LRRC2: variants seen among roughly 807,000 people sequenced by gnomAD.
LRRC2 encodes leucine-rich repeat-containing protein 2.
Under a neutral mutation model 40.2 loss-of-function variants are expected in LRRC2, and 27 were observed. That is an observed-to-expected ratio of 0.67 (90% CI 0.49 to 0.93). The LOEUF (loss-of-function observed/expected upper bound fraction) is 0.93, where lower values mean the gene tolerates loss of function less well. LRRC2 is among the 40% of genes least tolerant of loss of function. The pLI is 0.00. For synonymous variants in LRRC2, 147 were observed against 158.9 expected (o/e 0.92, Z 0.56); for missense variants, 402 against 439.6 (o/e 0.91, Z 0.76).
At chr3:46,530,275 T>C (rs1447424506) in intron 5 of LRRC2, among the ~76,000 whole-genome samples, 1 of 152,198 alleles carries the variant, frequency 6.6e-6, no homozygotes, top group Non-Finnish European at 1.5e-5. Context: ...CAGGATTTTA[T>C]ATTGCTATAA....
In LRRC2 at chr3:46,541,996, T is replaced by G. The variant is rs770174474; in HGVS notation, c.334-2795A>C. On this transcript the variant is annotated intron_variant, in intron 3 of 8. Transcript: ENST00000395905. Reference sequence around the variant, plus strand: ...CTCCAGACAAATCATGAATGTGCATTCATGAACATTCATGAATAATCATGA... The same window carrying G: ...CTCCAGACAAATCATGAATGTGCATGCATGAACATTCATGAATAATCATGA... Among the ~76,000 whole-genome samples, 78 of 151,952 alleles carry G rather than the reference T, an allele frequency of 5.1e-4. 1 individual carries two copies. The highest frequency in any genetic ancestry group is 3.2e-3 in the Middle Eastern group (1 of 316).
At chr3:46,536,758 G>A (rs1383707734) in intron 4 of LRRC2, among the ~76,000 whole-genome samples, 2 of 152,170 alleles carry the variant, frequency 1.3e-5, no homozygotes, top group Non-Finnish European at 1.5e-5. Flanking sequence ...GAAAACCACT[G>A]CTCAAATCAA....
intron 1 of LRRC2, among the ~76,000 whole-genome samples, chr3:46,554,994 T>G (rs140604759): frequency 1.4e-3 from 210 of 152,348 alleles, no homozygotes; most frequent in African/African-American, 4.1e-3. Context: ...TGACTAATGA[T>G]GTTGAGCATA....
At chr3:46,529,788 C>G in intron 6 of LRRC2, 117 bp downstream of exon 6, 1 of 1,113,598 alleles carries the variant, frequency 9.0e-7, no homozygotes. Flanking sequence ...AAAGGAAACT[C>G]TGGAAAATTA....
At chr3:46,534,806 A>T (rs1382602303) in intron 4 of LRRC2, among the ~76,000 whole-genome samples, 1 of 152,102 alleles carries the variant, frequency 6.6e-6, no homozygotes, top group Non-Finnish European at 1.5e-5. Flanking sequence ...CCCTCAATAG[A>T]TCTATAAGAC....
intron 7 of LRRC2, among the ~76,000 whole-genome samples, chr3:46,526,068 T>C (rs1704056262): frequency 6.6e-6 from 1 of 152,166 alleles, no homozygotes; most frequent in Non-Finnish European, 1.5e-5. Context: ...TTCTCCTGCC[T>C]CAGCCTCCTG....
At chr3:46,560,099 A>G (rs1417885980) in intron 1 of LRRC2, among the ~76,000 whole-genome samples, 1 of 152,198 alleles carries the variant, frequency 6.6e-6, no homozygotes, top group Non-Finnish European at 1.5e-5. Flanking sequence ...CCCATGTAGG[A>G]CAGAGATAAG....
chr3:46,537,960 T>A lies in LRRC2; in HGVS notation c.490+1085A>T, dbSNP rs1232082370. 2.0e-5 allele frequency among the ~76,000 whole-genome samples: 3 copies of A among 152,190 alleles called. No individual in the cohort carries two copies. The East Asian group carries it at 5.8e-4, about 29-fold the overall frequency. On this transcript the variant is annotated intron_variant, in intron 4 of 8. Transcript: ENST00000395905. ...GGGAACCCACCACTTTTACAGCAAG[T>A]GGTTAGCAAGGCTGCTCTTTGCCTG...
intron 1 of LRRC2, among the ~76,000 whole-genome samples, chr3:46,552,209 C>G (rs1298125426): frequency 6.6e-6 from 1 of 152,032 alleles, no homozygotes; most frequent in Non-Finnish European, 1.5e-5. Flanking sequence ...ATTAAATTCA[C>G]TAGTATATGT....
At position 46,543,618 on chromosome 3, in the gene LRRC2, T is replaced by TTAATAATAATAATAA. The variant is rs202012137; in HGVS notation, c.333+1413_333+1427dup. 4.5e-3 allele frequency among the ~76,000 whole-genome samples: 473 copies of TTAATAATAATAATAA among 105,104 alleles called. 3 individuals are homozygous for TTAATAATAATAATAA. Among genetic ancestry groups the TTAATAATAATAATAA allele is most frequent in the African/African-American group, 8.9e-3 (296 of 33,252 alleles). The allele number at this position is 105,104 out of a possible 152,430, so 69.0% of individuals were successfully genotyped here. On this transcript the variant is annotated intron_variant, in intron 3 of 8. Transcript: ENST00000395905. The stretch of plus-strand genomic sequence containing the variant: ...GTGACAGAGCGAGACTCCATCTCAA[T>TTAATAATAATAATAA]TAATAATAATAATAATAATAATAAT...
intron 1 of LRRC2, among the ~76,000 whole-genome samples, chr3:46,564,977 G>A (rs1705026991): frequency 6.6e-6 from 1 of 152,208 alleles, no homozygotes; most frequent in Admixed American, 6.5e-5. Context: ...TAAGGCCACT[G>A]CCTGGACACC....
At chr3:46,524,429 T>C (rs1704020729) in intron 7 of LRRC2, among the ~76,000 whole-genome samples, 1 of 152,178 alleles carries the variant, frequency 6.6e-6, no homozygotes, top group Non-Finnish European at 1.5e-5. Context: ...ATATAAAAAT[T>C]CTTCCGTTTT....
chr3:46,527,638 C>T (rs1575345910), intron 6 of LRRC2, 57 bp from the exon 7 acceptor site: 2 of 1,424,622 alleles, frequency 1.4e-6, no homozygotes, highest in Middle Eastern at 1.8e-4. Context: ...CTAAGAAAAC[C>T]AACATGAATT....
intron 7 of LRRC2, among the ~76,000 whole-genome samples, chr3:46,526,087 G>C (rs1704057178): frequency 6.6e-6 from 1 of 151,930 alleles, no homozygotes; most frequent in Non-Finnish European, 1.5e-5. Flanking sequence ...TGAGTAGCGG[G>C]GATTACAGGT....
At chr3:46,554,266 C>G (rs201637125) in intron 1 of LRRC2, among the ~76,000 whole-genome samples, 1 of 151,146 alleles carries the variant, frequency 6.6e-6, no homozygotes, top group South Asian at 2.1e-4. Context: ...AGCAATCCAC[C>G]CACCTAGGCC....
rs138112381 is a variant in LRRC2, at chr3:46,525,554, T to C, written c.929+1872A>G. Among the ~76,000 whole-genome samples, 29 of 152,274 alleles carry C rather than the reference T, an allele frequency of 1.9e-4. No homozygotes were observed. The East Asian group carries it at 5.2e-3, about 27-fold the overall frequency. ...CATGAGCCACTGTGCCTGGCCACAC[T>C]ATAATCCTTGATAAGGCAAGTTCTG... On this transcript the variant is annotated intron_variant, in intron 7 of 8. Transcript: ENST00000395905.
intron 4 of LRRC2, among the ~76,000 whole-genome samples, chr3:46,533,740 TC>T (rs370193072): frequency 1.2e-3 from 109 of 92,930 alleles, no homozygotes; most frequent in African/African-American, 4.3e-3. Flanking sequence ...CTTCCTTCCT[TC>T]CTTCCTTCTT....
chr3:46,545,162 C>T lies in LRRC2; in HGVS notation c.217G>A (p.Val73Met), dbSNP rs199923642. The T allele has an allele frequency of 4.3e-6, 7 of 1,614,188 alleles. No individual in the cohort carries two copies. The highest frequency in any genetic ancestry group is 2.2e-5 in the East Asian group (1 of 44,888). Reference protein sequence around the residue: ...YCKNGFIDTSVRLLDKIERNT... With the variant: ...YCKNGFIDTSMRLLDKIERNT... ...CTTTCAATCTTGTCCAGAAGCCGCA[C>T]GCTGGTGTCTATGAAGCCATTCTTG... The change falls in exon 3 of 9, where the codon GTG becomes ATG. Residue 73 changes from valine to methionine, a missense_variant. By Grantham distance (21) the Val-to-Met change is conservative. Transcript: ENST00000395905.
chr3:46,521,677 GA>G lies in LRRC2; in HGVS notation c.930-20del, dbSNP rs1332705169. Reference sequence around the variant, plus strand: ...TACAAATCTATTCGAGAAAGCATGGGAAGTATCACATTATCACCTGTGCGTT... The same window carrying G: ...TACAAATCTATTCGAGAAAGCATGGGAGTATCACATTATCACCTGTGCGTT... On this transcript the variant is annotated intron_variant, in intron 7 of 8. Transcript: ENST00000395905. 15 of 1,601,194 alleles carry G rather than the reference GA, an allele frequency of 9.4e-6. No homozygotes were observed. Among genetic ancestry groups the G allele is most frequent in the Admixed American group, 1.7e-5 (1 of 58,162 alleles).
Sources: allele counts gnomAD v4.1 joint callset (sites outside exome capture counted in the v4.1 genomes callset), GRCh38; gene constraint gnomAD v4.1.1; transcripts MANE v1.5; gene names NCBI Gene and HGNC (gene_info 2026-07-23, HGNC 2026-07-21).